The following AARS2 variants were observed in gnomAD, a reference collection of about 807,000 sequenced individuals.
The protein encoded by AARS2 is alanine--tRNA ligase, mitochondrial.
Under a neutral mutation model 119.7 loss-of-function variants are expected in AARS2, and 78 were observed. The observed-to-expected ratio is 0.65, with a 90% CI of 0.54 to 0.79. The LOEUF (loss-of-function observed/expected upper bound fraction) is 0.79. Ranked by LOEUF, AARS2 falls within the 30% of genes least tolerant of loss-of-function variation. AARS2 has a pLI of 0.00. For synonymous variants in AARS2, 502 were observed against 526.3 expected, an observed-to-expected ratio of 0.95 and a Z score of 0.63; for missense variants, 1,157 against 1,291.3, an observed-to-expected ratio of 0.90 and a Z score of 1.59.
At chr6:44,311,940 A>T (rs1561943734) in intron 2 of AARS2, 132 bp downstream of exon 2, 2 of 1,109,700 alleles carry the variant, frequency 1.8e-6, no homozygotes, top group African/African-American at 3.1e-5. Flanking sequence ...AGGTGAGGTA[A>T]TTCCTGTTAC....
Position 44,313,212 on chromosome 6 carries a change from T to G in AARS2, c.112A>C (p.Lys38Gln). 4 of 1,606,540 alleles carry G rather than the reference T, an allele frequency of 2.5e-6. No individual in the cohort carries two copies. In the South Asian group the frequency reaches 4.4e-5, roughly 18 times the overall value. The change falls in exon 1 of 22, where the codon AAG becomes CAG. Residue 38 changes from lysine (K) to glutamine (Q), a missense_variant. Physicochemically the swap from Lys to Gln is moderately conservative, Grantham distance 53 (BLOSUM62 1). Coordinates refer to ENST00000244571, the MANE Select transcript of AARS2 (RefSeq NM_020745.4). ...RPLSSEPPAAKASAVRAAFLN... is the reference protein window; with the variant it reads ...RPLSSEPPAAQASAVRAAFLN... ...AAGGCGGCCCTCACGGCCGAGGCCT[T>G]GGCTGCAGGGGGCTCCGATGAGAGC...
chr6:44,303,399 G>T lies in AARS2; in HGVS notation c.2032C>A (p.Arg678=). 1 of 1,614,028 alleles carries T rather than the reference G, an allele frequency of 6.2e-7. No individual in the cohort carries two copies. The highest frequency in any genetic ancestry group is 1.3e-5 in the African/African-American group (1 of 75,038). Residue 678 remains arginine, a synonymous_variant, in exon 15 of 22, where the codon CGG becomes AGG. Transcript: ENST00000244571. ...TQTPLTPEQL[R]AVENTVQEAV... The stretch of plus-strand genomic sequence containing the variant: ...TCCTGCACAGTGTTCTCCACTGCCC[G>T]GAGCTGCTCTGGGGTCAATGGGGTC...
intron 2 of AARS2, 144 bp downstream of exon 2, chr6:44,311,928 G>A (rs1234132851): frequency 3.1e-6 from 3 of 979,708 alleles, no homozygotes; most frequent in East Asian, 4.8e-5. Context: ...ATCCAATCAG[G>A]GAGGTGAGGT....
At position 44,300,418 on chromosome 6, in the gene AARS2, ATCT is replaced by A. The variant is rs977417091; in HGVS notation, c.*126_*128del. ...TGTCACGTAGGCCCTGGCCCAGGTG[ATCT>A]TCTTTGGCTCAGCTGCTTGGCCTCC... On this transcript the variant is annotated 3_prime_UTR_variant, in exon 22 of 22. Coordinates refer to ENST00000244571, the MANE Select transcript of AARS2 (RefSeq NM_020745.4). 30 of 1,367,112 alleles carry A rather than the reference ATCT, an allele frequency of 2.2e-5. No homozygotes were observed. The highest frequency in any genetic ancestry group is 3.0e-5 in the Non-Finnish European group (29 of 967,140). The allele number at this position is 1,367,112 out of a possible 1,614,324, so 84.7% of individuals were successfully genotyped here.
At position 44,299,166 on chromosome 6, in the gene AARS2, G is replaced by A. The variant is rs1238119835; in HGVS notation, c.*1381C>T. ...TCACCTCCCAGCTCCCTGCTCACATGTCACCTCTTGGTGAGGGAATATCAC... is the reference window on the plus strand; with the variant it reads ...TCACCTCCCAGCTCCCTGCTCACATATCACCTCTTGGTGAGGGAATATCAC... On this transcript the variant is annotated 3_prime_UTR_variant, in exon 22 of 22. Coordinates refer to ENST00000244571, the MANE Select transcript of AARS2 (RefSeq NM_020745.4). Among the ~76,000 whole-genome samples, 2 of 152,038 alleles carry A rather than the reference G, an allele frequency of 1.3e-5. No individual in the cohort carries two copies. The highest frequency in any genetic ancestry group is 2.9e-5 in the Non-Finnish European group (2 of 68,014).
chr6:44,312,974 CA>C (rs1786501259), intron 1 of AARS2, 106 bp downstream of exon 1: 2 of 1,534,240 alleles, frequency 1.3e-6, no homozygotes, highest in East Asian at 4.7e-5. Context: ...CCTCTTTCCC[CA>C]AAAGCTACGA....
At position 44,304,778 on chromosome 6, in the gene AARS2, G is replaced by C. The variant is rs766540081; in HGVS notation, c.1619C>G (p.Thr540Arg). ...TCEAQVLQLY[T>R]EDGTAVASVG... is the part of the protein sequence containing the mutation. ...GGAGGCCACTGCTGTCCCGTCCTCT[G>C]TATACAGTTGCAACACCTGGGCCTC... The change falls in exon 12 of 22, where the codon ACA becomes AGA. Residue 540 changes from threonine (T) to arginine (R), a missense_variant. By Grantham distance (71) the Thr-to-Arg change is moderately conservative. Coordinates refer to ENST00000244571, the MANE Select transcript of AARS2 (RefSeq NM_020745.4). 3 of 1,614,210 alleles carry C rather than the reference G, an allele frequency of 1.9e-6. No individual in the cohort carries two copies. Among genetic ancestry groups the C allele is most frequent in the East Asian group, 2.2e-5 (1 of 44,892 alleles).
chr6:44,313,279 G>A lies in AARS2; in HGVS notation c.45C>T (p.Ala15=). 63 of 1,597,482 alleles carry A rather than the reference G, an allele frequency of 3.9e-5. No homozygotes were observed. The highest frequency in any genetic ancestry group is 5.3e-5 in the Non-Finnish European group (62 of 1,175,950). ...CCCGCCATGCGGGCGACCTTCGAATGGCCCGCCGCAGCCTCCGGGCTGCAG... is the reference window on the plus strand; with the variant it reads ...CCCGCCATGCGGGCGACCTTCGAATAGCCCGCCGCAGCCTCCGGGCTGCAG... ...VAAAARRLRR[A]IRRSPAWRGL... Residue 15 remains alanine (A), a synonymous_variant, in exon 1 of 22, where the codon GCC becomes GCT. Coordinates refer to ENST00000244571, the MANE Select transcript of AARS2 (RefSeq NM_020745.4).
rs1181554646 is a variant in AARS2, at chr6:44,311,393, A to C, written c.578T>G (p.Leu193Ter). The C allele has an allele frequency of 4.3e-6, 7 of 1,614,138 alleles. No individual in the cohort carries two copies. Among genetic ancestry groups the C allele is most frequent in the Non-Finnish European group, 5.9e-6 (7 of 1,180,010 alleles). ...CATAAGAAGGGGGCTGACTTACCCT[A>C]AGCTCAGCCAGATGTCCCTGGTCTC... ...DLETRDIWLS[L>*]GVPASRVLSF... The change falls in exon 3 of 22, where the codon TTA (leucine) becomes TGA (stop). Residue 193 changes from leucine (L) to a stop codon, truncating the protein, a stop_gained. Transcript: ENST00000244571. LOFTEE classifies it high-confidence loss of function.
In AARS2 at chr6:44,307,482, C is replaced by G. The variant is rs1057347320; in HGVS notation, c.895-88G>C. 8.6e-6 allele frequency: 13 copies of G among 1,510,904 alleles called. No homozygotes were observed. In the Admixed American group the frequency reaches 1.2e-4, roughly 14 times the overall value. 93.6% of individuals were successfully genotyped at this position (1,510,904 alleles called of 1,614,324 possible). Reference sequence around the variant, plus strand: ...CGCCTCTAGAGCATCTGCCCTCAGCCCTAAAGCCAACCACATCCAGAATGG... The same window carrying G: ...CGCCTCTAGAGCATCTGCCCTCAGCGCTAAAGCCAACCACATCCAGAATGG... On this transcript the variant is annotated intron_variant, in intron 5 of 21. Coordinates refer to ENST00000244571, the MANE Select transcript of AARS2 (RefSeq NM_020745.4). This position sits in a 1 kb window ranked among gnomAD's most constrained non-coding sequence, Gnocchi z 4.4.
chr6:44,304,759 C>T lies in AARS2; in HGVS notation c.1638G>A (p.Val546=), dbSNP rs1463070132. The T allele has an allele frequency of 6.2e-7, 1 of 1,614,232 alleles. No individual in the cohort carries two copies. Among genetic ancestry groups the T allele is most frequent in the South Asian group, 1.1e-5 (1 of 91,088 alleles). Reference sequence around the variant, plus strand: ...AGCGCTGGCCTTTCCCCACGGAGGCCACTGCTGTCCCGTCCTCTGTATACA... The same window carrying T: ...AGCGCTGGCCTTTCCCCACGGAGGCTACTGCTGTCCCGTCCTCTGTATACA... The part of the protein sequence containing the change: ...LQLYTEDGTA[V]ASVGKGQRCG... Residue 546 remains valine, a synonymous_variant, in exon 12 of 22, where the codon GTG becomes GTA. Coordinates refer to ENST00000244571, the MANE Select transcript of AARS2 (RefSeq NM_020745.4).
Position 44,302,879 on chromosome 6 carries a change from G to A in AARS2, c.2287C>T (p.Leu763=), listed in dbSNP as rs774143152. 3 of 1,614,166 alleles carry A rather than the reference G, an allele frequency of 1.9e-6. No individual in the cohort carries two copies. The highest frequency in any genetic ancestry group is 2.7e-5 in the African/African-American group (2 of 75,060). ...AGCTGGCGGTCCCCGATGATAACCA[G>A]GTCCCCTACAGCCCCAGTACGTAAC... The part of the protein sequence containing the change: ...HLLRTGAVGD[L]VIIGDRQLSK... The change falls in exon 17 of 22, where the codon CTG becomes TTG. Residue 763 remains leucine (L), a synonymous_variant. Transcript: ENST00000244571.
At position 44,313,072 on chromosome 6, in the gene AARS2, G is replaced by C. The variant is rs1371109294; in HGVS notation, c.243+9C>G. ...ACTCCGCTCCCTATCAGTATGGTTCGGCCCTCACCTGGTTCATGCCCGCAT... is the reference window on the plus strand; with the variant it reads ...ACTCCGCTCCCTATCAGTATGGTTCCGCCCTCACCTGGTTCATGCCCGCAT... On this transcript the variant is annotated intron_variant, in intron 1 of 21. Transcript: ENST00000244571. 1 of 1,612,952 alleles carries C rather than the reference G, an allele frequency of 6.2e-7. No homozygotes were observed. The highest frequency in any genetic ancestry group is 8.5e-7 in the Non-Finnish European group (1 of 1,179,958).
At chr6:44,302,335 G>A in intron 18 of AARS2, 56 bp downstream of exon 18, 1 of 1,613,690 alleles carries the variant, frequency 6.2e-7, no homozygotes, top group East Asian at 2.2e-5. Context: ...AGTCCAGGGA[G>A]GAATAGGGGA....
rs1003345300 is a variant in AARS2 at position 44,305,882 on chromosome 6, G to A, written c.1301-96C>T. The A allele has an allele frequency of 2.1e-6, 3 of 1,437,286 alleles. No homozygotes were observed. Among genetic ancestry groups the A allele is most frequent in the South Asian group, 2.3e-5 (2 of 85,376 alleles). 89.0% of individuals were successfully genotyped at this position (1,437,286 alleles called of 1,614,324 possible). A position where few individuals can be genotyped will look rare whatever the true frequency, so the allele number is the denominator to read the frequency against. On this transcript the variant is annotated intron_variant, in intron 9 of 21. Transcript: ENST00000244571. This position sits in a 1 kb window ranked among gnomAD's most constrained non-coding sequence, Gnocchi z 4.6. ...CCAGGGCCCTTCTAACCACGCAGAA[G>A]CCACCAGATGCCAAACACAAATACC...
chr6:44,301,613 C>G, intron 19 of AARS2, 149 bp from the exon 20 acceptor site: 1 of 788,374 alleles, frequency 1.3e-6, no homozygotes. Flanking sequence ...GTGGCAGGGA[C>G]TCTGCCTAGG....
At chr6:44,303,562 T>C in intron 14 of AARS2, 139 bp from the exon 15 acceptor site, 1 of 1,302,324 alleles carries the variant, frequency 7.7e-7, no homozygotes, top group Non-Finnish European at 1.1e-6. Flanking sequence ...AGGTGCTCAA[T>C]AAACACTACC....
At chr6:44,308,006 G>A (rs1205493403) in intron 5 of AARS2, among the ~76,000 whole-genome samples, 1 of 152,152 alleles carries the variant, frequency 6.6e-6, no homozygotes, top group Non-Finnish European at 1.5e-5. Context: ...CAATAGCCTG[G>A]GAGCCATCTT....
chr6:44,311,269 C>T, intron 3 of AARS2, 108 bp from the exon 4 acceptor site: 1 of 1,601,078 alleles, frequency 6.2e-7, no homozygotes, highest in South Asian at 1.1e-5. Flanking sequence ...AGAGGAGGAA[C>T]AGGGCTGACC....
Sources: gnomAD v4.1 joint callset for allele counts (sites outside exome capture counted in the v4.1 genomes callset) on GRCh38, gnomAD v4.1.1 for gene constraint, Gnocchi (gnomAD v3.1) non-coding constraint, MANE v1.5 for transcripts, NCBI Gene and HGNC (gene_info 2026-07-23, HGNC 2026-07-21) for gene names.